Variants in STXBP4 observed in about 807,000 individuals in gnomAD.
STXBP4 encodes syntaxin binding protein 4, also known as syntaxin-binding protein 4.
A neutral mutation model predicts 76.1 loss-of-function variants in STXBP4; 55 were observed. That is an observed-to-expected ratio of 0.72 (90% CI 0.58 to 0.91). STXBP4 has a LOEUF of 0.91. Among genes scored for constraint, STXBP4 ranks in the 40% least tolerant of loss-of-function variants. The pLI is 0.00. For missense variants in STXBP4, 618 were observed against 636.9 expected, an observed-to-expected ratio of 0.97 and a Z score of 0.32; for synonymous variants, 201 against 220.2, an observed-to-expected ratio of 0.91 and a Z score of 0.77.
At chr17:54,982,067 T>C (rs989365530) in intron 1 of STXBP4, among the ~76,000 whole-genome samples, 6 of 152,188 alleles carry the variant, frequency 3.9e-5, no homozygotes, top group Non-Finnish European at 5.9e-5. Context: ...GATAGTAAAT[T>C]AGTACAACCC....
At chr17:55,178,260 A>G (rs961176287), downstream of STXBP4, among the ~76,000 whole-genome samples, 2 of 152,210 alleles carry the variant, frequency 1.3e-5, no homozygotes, top group African/African-American at 4.8e-5. Context: ...CTTTACACCT[A>G]TCATCTCATT....
At chr17:55,133,258 A>C (rs772390659) in intron 16 of STXBP4, among the ~76,000 whole-genome samples, 9 of 152,156 alleles carry the variant, frequency 5.9e-5, no homozygotes, top group Non-Finnish European at 8.8e-5. Flanking sequence ...GGGATGTAAA[A>C]GAATGAAAAG....
chr17:55,114,214 A>G (rs978668946), intron 16 of STXBP4, among the ~76,000 whole-genome samples: 4 of 151,954 alleles, frequency 2.6e-5, no homozygotes, highest in Non-Finnish European at 4.4e-5. Context: ...AATATTGTTT[A>G]CAAATATAAT....
intron 16 of STXBP4, among the ~76,000 whole-genome samples, chr17:55,140,179 G>T (rs759500281): frequency 1.3e-5 from 2 of 151,974 alleles, no homozygotes; most frequent in Non-Finnish European, 2.9e-5. Flanking sequence ...ATGGTGGCAC[G>T]TACCTATAGT....
In STXBP4 at chr17:55,148,044, C is replaced by T. The variant is rs535553802; in HGVS notation, c.1547+6677C>T. 1.2e-4 allele frequency among the ~76,000 whole-genome samples: 18 copies of T among 152,210 alleles called. No individual in the cohort carries two copies. In the South Asian group the frequency reaches 2.7e-3, roughly 23 times the overall value. On this transcript the variant is annotated intron_variant, in intron 17 of 17. Transcript: ENST00000376352. ...ATAACAAAATAAACAATGAGAACACCCCTACCCCAAATTTCTTACAAGATG... is the reference window on the plus strand; with the variant it reads ...ATAACAAAATAAACAATGAGAACACTCCTACCCCAAATTTCTTACAAGATG...
intron 16 of STXBP4, among the ~76,000 whole-genome samples, chr17:55,123,024 T>C (rs928835620): frequency 1.3e-5 from 2 of 152,224 alleles, no homozygotes; most frequent in African/African-American, 2.4e-5. Flanking sequence ...GGAGTTTATA[T>C]TCCTTGTAAA....
the STXBP4 span, among the ~76,000 whole-genome samples, chr17:55,205,551 A>G: frequency 6.6e-6 from 1 of 152,010 alleles, no homozygotes; most frequent in Non-Finnish European, 1.5e-5. Context: ...ATGCACACAC[A>G]CACACACACA....
chr17:55,154,201 A>G (rs530052913), intron 17 of STXBP4, among the ~76,000 whole-genome samples: 2 of 152,258 alleles, frequency 1.3e-5, no homozygotes, highest in African/African-American at 4.8e-5. Context: ...GCGGATAATG[A>G]GTGAGAGTAG....
Position 55,163,412 on chromosome 17 carries a change from T to TA in STXBP4, c.*3503dup, listed in dbSNP as rs773558767. The TA allele has an allele frequency of 1.3e-5, 2 of 152,202 alleles. No individual in the cohort carries two copies. Among genetic ancestry groups the TA allele is most frequent in the Non-Finnish European group, 2.9e-5 (2 of 68,044 alleles). The allele number at this position is 152,202 out of a possible 1,614,324, so 9.4% of individuals were successfully genotyped here. Reference sequence around the variant, plus strand: ...CTCTTCTCTTTTCCTACTTTACATGTAATGGTTGCGAGGACCAACTTTCAA... The same window carrying TA: ...CTCTTCTCTTTTCCTACTTTACATGTAAATGGTTGCGAGGACCAACTTTCAA... On this transcript the variant is annotated 3_prime_UTR_variant, in exon 18 of 18. Transcript: ENST00000376352.
chr17:55,195,381 C>T, the STXBP4 span, among the ~76,000 whole-genome samples: 24 of 152,296 alleles, frequency 1.6e-4, no homozygotes, highest in Non-Finnish European at 1.9e-4. Flanking sequence ...TATAAGCCTT[C>T]GTAACAGTTT....
At chr17:55,049,852 A>C (rs568801637) in intron 12 of STXBP4, among the ~76,000 whole-genome samples, 1 of 152,210 alleles carries the variant, frequency 6.6e-6, no homozygotes, top group African/African-American at 2.4e-5. Context: ...TAGAAGAGAT[A>C]AAGTAAGTTA....
At chr17:55,030,555 A>G (rs553838272) in intron 8 of STXBP4, among the ~76,000 whole-genome samples, 1 of 152,318 alleles carries the variant, frequency 6.6e-6, no homozygotes, top group East Asian at 1.9e-4. Context: ...GTTACTAAGG[A>G]GCAAGGAGAG....
At chr17:55,149,853 G>C (rs932355122) in intron 17 of STXBP4, among the ~76,000 whole-genome samples, 2 of 152,160 alleles carry the variant, frequency 1.3e-5, no homozygotes, top group Non-Finnish European at 2.9e-5. Flanking sequence ...CAGCTGGCTT[G>C]GGTTATTCAG....
chr17:55,117,912 G>C (rs2079800712), intron 16 of STXBP4, among the ~76,000 whole-genome samples: 1 of 151,926 alleles, frequency 6.6e-6, no homozygotes, highest in Non-Finnish European at 1.5e-5. Context: ...GAATAAAACA[G>C]ACACAGTCTT....
intron 12 of STXBP4, among the ~76,000 whole-genome samples, chr17:55,051,680 G>A (rs138114255): frequency 3.9e-5 from 6 of 152,034 alleles, no homozygotes; most frequent in Non-Finnish European, 7.4e-5. Flanking sequence ...ATGGCTTGAG[G>A]CCACAGTGTG....
At chr17:55,029,566 A>G (rs909293526) in intron 8 of STXBP4, among the ~76,000 whole-genome samples, 39 of 151,488 alleles carry the variant, frequency 2.6e-4, no homozygotes, top group Non-Finnish European at 3.8e-4. Context: ...GCTAAAAATC[A>G]TTATGCCATG....
intron 16 of STXBP4, among the ~76,000 whole-genome samples, chr17:55,124,247 G>C (rs1183224713): frequency 6.6e-6 from 1 of 152,150 alleles, no homozygotes; most frequent in Non-Finnish European, 1.5e-5. Flanking sequence ...TGTGCAAATT[G>C]AGAAAAGATG....
chr17:55,032,623 C>T (rs894794639), intron 9 of STXBP4, among the ~76,000 whole-genome samples: 9 of 152,048 alleles, frequency 5.9e-5, no homozygotes, highest in South Asian at 2.1e-4. Context: ...TCAAGTAGTC[C>T]GGCATCTCCC....
the STXBP4 span, among the ~76,000 whole-genome samples, chr17:55,185,821 C>T: frequency 2.0e-5 from 3 of 152,136 alleles, no homozygotes; most frequent in Admixed American, 6.5e-5. Context: ...CCAAGCCTTA[C>T]AGGAGGTCAT....
Sources: gnomAD v4.1 joint callset for allele counts (sites outside exome capture counted in the v4.1 genomes callset) on GRCh38, gnomAD v4.1.1 for gene constraint, MANE v1.5 for transcripts, NCBI Gene and HGNC (gene_info 2026-07-23, HGNC 2026-07-21) for gene names.